RXRA: variants seen among roughly 807,000 people sequenced by gnomAD.
RXRA encodes the protein retinoic acid receptor RXR-alpha.
RXRA carries 5 observed loss-of-function variants against 44.5 expected under a neutral mutation model. The ratio of observed to expected loss-of-function variants is 0.11; its 90% CI spans 0.06 to 0.24. RXRA has a LOEUF of 0.24. RXRA is among the 10% of genes least tolerant of loss of function. RXRA has a pLI of 1.00. For synonymous variants in RXRA, 291 were observed against 271.4 expected (o/e 1.07, Z -0.71); for missense variants, 412 against 646.5 (o/e 0.64, Z 3.93).
intron 1 of RXRA, among the ~76,000 whole-genome samples, chr9:134,398,740 T>G (rs552789529): frequency 9.7e-4 from 147 of 152,288 alleles, no homozygotes; most frequent in African/African-American, 3.4e-3. Flanking sequence ...GAGTGTCTTC[T>G]CCCATGGCCT....
At chr9:134,375,669 G>A (rs1352567874) in intron 1 of RXRA, among the ~76,000 whole-genome samples, 2 of 152,196 alleles carry the variant, frequency 1.3e-5, no homozygotes, top group Non-Finnish European at 2.9e-5. Flanking sequence ...GTGGGCCCGG[G>A]GCCGGCAGCT....
chr9:134,429,036 A>C, intron 6 of RXRA, 72 bp from the exon 7 acceptor site: 2 of 1,583,794 alleles, frequency 1.3e-6, no homozygotes, highest in Non-Finnish European at 1.7e-6. Context: ...GTAGGGTCCC[A>C]CCAGGGGCTG....
intron 1 of RXRA, among the ~76,000 whole-genome samples, chr9:134,344,174 C>A (rs1388123552): frequency 1.3e-5 from 2 of 152,230 alleles, no homozygotes; most frequent in East Asian, 3.9e-4. Flanking sequence ...AGGGCCCATG[C>A]AGTACAAATG....
At chr9:134,357,476 A>G (rs554970583) in intron 1 of RXRA, among the ~76,000 whole-genome samples, 62 of 151,644 alleles carry the variant, frequency 4.1e-4, no homozygotes, top group Non-Finnish European at 8.0e-4. Flanking sequence ...GGGTTGGGGG[A>G]TGTGGAGTTG....
At chr9:134,400,558 G>A (rs1229743046) in intron 1 of RXRA, among the ~76,000 whole-genome samples, 3 of 152,214 alleles carry the variant, frequency 2.0e-5, no homozygotes, top group Admixed American at 6.5e-5. Context: ...CCAGCTCCCG[G>A]CACTTGCTGC....
chr9:134,392,502 G>A (rs1281036378), intron 1 of RXRA, among the ~76,000 whole-genome samples: 1 of 152,184 alleles, frequency 6.6e-6, no homozygotes, highest in Non-Finnish European at 1.5e-5. Context: ...CCAGTGGAGC[G>A]AGCGTGGCTG....
intron 1 of RXRA, among the ~76,000 whole-genome samples, chr9:134,328,697 G>A (rs7855881): frequency 2.0e-5 from 3 of 152,166 alleles, no homozygotes; most frequent in African/African-American, 4.8e-5. Context: ...ATCCCTCCTC[G>A]GGGTGAGTGG....
intron 1 of RXRA, chr9:134,401,272 C>G (rs999851943): frequency 2.9e-6 from 1 of 340,948 alleles, no homozygotes; most frequent in Non-Finnish European, 5.5e-6. Flanking sequence ...TGACTAGTCC[C>G]GGCCACCAGC....
At chr9:134,383,749 A>G (rs761744840) in intron 1 of RXRA, among the ~76,000 whole-genome samples, 1 of 152,224 alleles carries the variant, frequency 6.6e-6, no homozygotes, top group South Asian at 2.1e-4. Flanking sequence ...CCTGGGCTGC[A>G]TGAGGACGGG....
chr9:134,361,254 A>G (rs1466779943), intron 1 of RXRA, among the ~76,000 whole-genome samples: 1 of 152,124 alleles, frequency 6.6e-6, no homozygotes, highest in Non-Finnish European at 1.5e-5. Flanking sequence ...ACCCTTTTCA[A>G]TGTCCTCATT....
chr9:134,429,310 A>G (rs1536475), intron 7 of RXRA, 70 bp downstream of exon 7: 1,246,487 of 1,529,316 alleles, frequency 0.82, 510,233 homozygotes, highest in African/African-American at 0.96. Flanking sequence ...GAGTTCAGCC[A>G]CCTTGGCCCC....
intron 6 of RXRA, among the ~76,000 whole-genome samples, chr9:134,428,620 C>G (rs1332373399): frequency 6.6e-6 from 1 of 152,186 alleles, no homozygotes; most frequent in African/African-American, 2.4e-5. Context: ...AACCTTCCCC[C>G]CTGGGAATCC....
chr9:134,345,094 C>T (rs1202466725), intron 1 of RXRA, among the ~76,000 whole-genome samples: 1 of 152,228 alleles, frequency 6.6e-6, no homozygotes, highest in Non-Finnish European at 1.5e-5. Flanking sequence ...CAGACTCCAG[C>T]TCTCTCCAGC....
intron 1 of RXRA, among the ~76,000 whole-genome samples, chr9:134,338,888 G>A (rs1018523324): frequency 2.6e-5 from 4 of 152,234 alleles, no homozygotes; most frequent in South Asian, 2.1e-4. Context: ...GACAGCCGCC[G>A]TTCTGCCCTC....
chr9:134,425,294 A>G lies in RXRA; in HGVS notation c.910+3489A>G, dbSNP rs1831413778. On this transcript the variant is annotated intron_variant, in intron 6 of 9. Transcript: ENST00000481739. ...CCCTACCCGTCCAGGAGGCCTTCAGAAATAAAGCATTAAAATGAAGAGTTT... is the reference window on the plus strand; with the variant it reads ...CCCTACCCGTCCAGGAGGCCTTCAGGAATAAAGCATTAAAATGAAGAGTTT... 4.1e-6 allele frequency: 4 copies of G among 985,280 alleles called. No homozygotes were observed. In the Admixed American group the frequency reaches 2.5e-4, roughly 61 times the overall value. 61.0% of individuals were successfully genotyped at this position (985,280 alleles called of 1,614,324 possible).
intron 1 of RXRA, among the ~76,000 whole-genome samples, chr9:134,358,055 C>A (rs557342300): frequency 6.6e-6 from 1 of 152,246 alleles, no homozygotes; most frequent in Non-Finnish European, 1.5e-5. Flanking sequence ...CTCGCTGGCC[C>A]GAGGGCTGGC....
rs141806402 is a variant in RXRA at position 134,337,846 on chromosome 9, G to A, written c.28+11187G>A. Among the ~76,000 whole-genome samples, 459 of 152,196 alleles carry A rather than the reference G, an allele frequency of 3.0e-3. 16 individuals are homozygous for A. The highest frequency in any genetic ancestry group is 3.2e-4 in the Non-Finnish European group (22 of 68,004). On this transcript the variant is annotated intron_variant, in intron 1 of 9. Coordinates refer to ENST00000481739, the MANE Select transcript of RXRA (RefSeq NM_002957.6). Reference sequence around the variant, plus strand: ...ACTCTTGGATGTCCTCGGAGCAGACGTAGAATGCAAAACTTGAACCTCTCC... The same window carrying A: ...ACTCTTGGATGTCCTCGGAGCAGACATAGAATGCAAAACTTGAACCTCTCC...
At chr9:134,430,669 G>A (rs951054060) in intron 7 of RXRA, among the ~76,000 whole-genome samples, 4 of 152,232 alleles carry the variant, frequency 2.6e-5, no homozygotes, top group South Asian at 2.1e-4. Flanking sequence ...GGTGCAGTGT[G>A]CAGTGTGTAT....
chr9:134,379,916 G>A, intron 1 of RXRA: 1 of 985,324 alleles, frequency 1.0e-6, no homozygotes. Flanking sequence ...AGGCCTGCTG[G>A]TCTCTGGGTC....
Sources: allele counts gnomAD v4.1 joint callset (sites outside exome capture counted in the v4.1 genomes callset), GRCh38; gene constraint gnomAD v4.1.1; transcripts MANE v1.5; gene names NCBI Gene and HGNC (gene_info 2026-07-23, HGNC 2026-07-21).